The following GRID2 variants were observed in gnomAD, a reference collection of about 807,000 sequenced individuals.
GRID2 encodes glutamate ionotropic receptor delta type subunit 2.
In GRID2, 33 loss-of-function variants were observed where a neutral mutation model predicts 114.8. The observed-to-expected ratio is 0.29, with a 90% CI of 0.22 to 0.38. The LOEUF (loss-of-function observed/expected upper bound fraction) is 0.38. Among genes scored for constraint, GRID2 ranks in the 10% least tolerant of loss-of-function variants. The pLI is 1.00. For missense variants in GRID2, 1,184 were observed against 1,257.7 expected (o/e 0.94, Z 0.89); for synonymous variants, 505 against 449.9 (o/e 1.12, Z -1.55).
intron 2 of GRID2, among the ~76,000 whole-genome samples, chr4:92,662,327 T>C (rs1732560450): frequency 6.6e-6 from 1 of 150,980 alleles, no homozygotes; most frequent in Middle Eastern, 3.2e-3. Flanking sequence ...TTTATTATGG[T>C]GGCGCTCCAA....
intron 2 of GRID2, among the ~76,000 whole-genome samples, chr4:92,612,211 G>T (rs902449384): frequency 6.6e-6 from 1 of 151,414 alleles, no homozygotes; most frequent in Non-Finnish European, 1.5e-5. Context: ...CTATTTCTTA[G>T]AAAGGTTATC....
At chr4:92,602,728 A>C (rs925918880) in intron 2 of GRID2, among the ~76,000 whole-genome samples, 1 of 152,192 alleles carries the variant, frequency 6.6e-6, no homozygotes, top group Admixed American at 6.5e-5. Context: ...GGAAAGAAAT[A>C]AAGGTTATTC....
At chr4:93,014,104 T>A (rs764135414) in intron 2 of GRID2, among the ~76,000 whole-genome samples, 1 of 152,094 alleles carries the variant, frequency 6.6e-6, no homozygotes, top group Non-Finnish European at 1.5e-5. Flanking sequence ...ATGTGTCAGT[T>A]GAAAGGCTTA....
chr4:93,137,846 C>T (rs1735402612), intron 4 of GRID2, among the ~76,000 whole-genome samples: 1 of 150,400 alleles, frequency 6.6e-6, no homozygotes, highest in Admixed American at 6.7e-5. Context: ...AATTAAAACA[C>T]AAATTTATTA....
intron 2 of GRID2, among the ~76,000 whole-genome samples, chr4:92,974,221 G>A (rs754376998): frequency 1.2e-4 from 19 of 152,046 alleles, no homozygotes; most frequent in Non-Finnish European, 2.4e-4. Context: ...AAATAGGAAC[G>A]CTTTTACACT....
intron 13 of GRID2, among the ~76,000 whole-genome samples, chr4:93,624,439 C>T (rs1253547783): frequency 2.0e-5 from 3 of 152,082 alleles, no homozygotes; most frequent in Non-Finnish European, 2.9e-5. Context: ...AGAGTTTAAG[C>T]TTGTAATAGG....
At chr4:93,782,448 C>T (rs1040725813) in intron 1 of GRID2, among the ~76,000 whole-genome samples, 5 of 152,092 alleles carry the variant, frequency 3.3e-5, no homozygotes, top group Non-Finnish European at 5.9e-5. Context: ...CTTTTAGTTC[C>T]GAGTCTGCTT....
At chr4:92,554,996 A>G (rs1726781028) in intron 1 of GRID2, among the ~76,000 whole-genome samples, 1 of 152,204 alleles carries the variant, frequency 6.6e-6, no homozygotes, top group Non-Finnish European at 1.5e-5. Flanking sequence ...AATGTATTAC[A>G]GTTGTTTAAT....
chr4:93,229,665 C>T (rs1423199452), intron 7 of GRID2, among the ~76,000 whole-genome samples: 1 of 152,146 alleles, frequency 6.6e-6, no homozygotes, highest in Non-Finnish European at 1.5e-5. Context: ...AATCCGTGTG[C>T]TGCTGCACAA....
chr4:93,804,095 T>C (rs1001856843), intron 1 of GRID2, among the ~76,000 whole-genome samples: 3 of 152,152 alleles, frequency 2.0e-5, no homozygotes, highest in South Asian at 2.1e-4. Flanking sequence ...GTCAGTGTCA[T>C]CTACCATGAT....
chr4:92,864,619 T>C (rs1206354104), intron 2 of GRID2, among the ~76,000 whole-genome samples: 1 of 152,206 alleles, frequency 6.6e-6, no homozygotes, highest in Non-Finnish European at 1.5e-5. Context: ...CACACCCTAT[T>C]GCCTTTTGTA....
At position 93,535,166 on chromosome 4, in the gene GRID2, C is replaced by G. The variant is rs771137787; in HGVS notation, c.2193+19755C>G. On this transcript the variant is annotated intron_variant, in intron 13 of 15. Coordinates refer to ENST00000282020, the MANE Select transcript of GRID2 (RefSeq NM_001510.4). ...TCCTCTAGGTCTATCCATGTTGTCA[C>G]AAATGGTGGGATTTTCTTCTTTTTA... 4.0e-4 allele frequency among the ~76,000 whole-genome samples: 60 copies of G among 151,542 alleles called. 1 individual carries two copies. The highest frequency in any genetic ancestry group is 9.7e-4 in the East Asian group (5 of 5,158).
intron 7 of GRID2, among the ~76,000 whole-genome samples, chr4:93,226,985 C>T (rs1041208733): frequency 6.6e-6 from 1 of 152,140 alleles, no homozygotes; most frequent in African/African-American, 2.4e-5. Context: ...GAATGTTACA[C>T]TGGAATAAGG....
chr4:93,366,770 C>T (rs1462553079), intron 8 of GRID2, among the ~76,000 whole-genome samples: 4 of 151,972 alleles, frequency 2.6e-5, no homozygotes, highest in African/African-American at 9.7e-5. Flanking sequence ...GTACTCTGTC[C>T]CTTTATTTCT....
At chr4:93,628,356 T>C (rs1212410075) in intron 14 of GRID2, among the ~76,000 whole-genome samples, 1 of 152,126 alleles carries the variant, frequency 6.6e-6, no homozygotes, top group African/African-American at 2.4e-5. Context: ...ATGTATATAA[T>C]ATCAGTATTA....
chr4:92,408,860 A>G (rs1731160082), intron 1 of GRID2, among the ~76,000 whole-genome samples: 1 of 152,028 alleles, frequency 6.6e-6, no homozygotes, highest in Admixed American at 6.6e-5. Flanking sequence ...GTTTATCAAG[A>G]ATGTTTAGGT....
intron 1 of GRID2, among the ~76,000 whole-genome samples, chr4:92,469,285 C>A (rs769910074): frequency 1.3e-5 from 2 of 152,066 alleles, no homozygotes; most frequent in Non-Finnish European, 2.9e-5. Context: ...TGTATTGCAA[C>A]AATCCAATGA....
intron 1 of GRID2, among the ~76,000 whole-genome samples, chr4:92,347,128 T>C (rs143270852): frequency 1.8e-4 from 28 of 152,344 alleles, no homozygotes; most frequent in African/African-American, 5.8e-4. Flanking sequence ...AATTTTAGTT[T>C]CTGAGGAGCA....
chr4:93,671,708 C>T (rs1724435624), intron 14 of GRID2, among the ~76,000 whole-genome samples: 1 of 152,134 alleles, frequency 6.6e-6, no homozygotes, highest in Non-Finnish European at 1.5e-5. Context: ...GTGGCTCACA[C>T]ATGTAATCCC....
Sources: allele counts gnomAD v4.1 joint callset (sites outside exome capture counted in the v4.1 genomes callset), GRCh38; gene constraint gnomAD v4.1.1; transcripts MANE v1.5; gene names NCBI Gene and HGNC (gene_info 2026-07-23, HGNC 2026-07-21).